HSD17B11: variants seen among roughly 807,000 people sequenced by gnomAD.
The protein encoded by HSD17B11 is estradiol 17-beta-dehydrogenase 11.
Under a neutral mutation model 27.8 loss-of-function variants are expected in HSD17B11, and 22 were observed. That is an observed-to-expected ratio of 0.79 (90% CI 0.56 to 1.13). The LOEUF is 1.13. Among genes scored for constraint, HSD17B11 ranks in the 50% most tolerant of loss-of-function variants. The pLI is 0.00. For missense variants in HSD17B11, 314 were observed against 351.1 expected (o/e 0.89, Z 0.84); for synonymous variants, 117 against 132.8 (o/e 0.88, Z 0.82).
chr4:87,371,496 T>A (rs934735892), intron 4 of HSD17B11, among the ~76,000 whole-genome samples: 1 of 152,214 alleles, frequency 6.6e-6, no homozygotes, highest in African/African-American at 2.4e-5. Flanking sequence ...TTTTTTGACC[T>A]GCATGGTAGT....
Position 87,391,120 on chromosome 4 carries a change from TCTAAACTGC to T in HSD17B11, c.-59_-51del. 4.4e-6 allele frequency: 6 copies of T among 1,376,756 alleles called. No homozygotes were observed. Among genetic ancestry groups the T allele is most frequent in the Non-Finnish European group, 6.0e-6 (6 of 999,412 alleles). The allele number at this position is 1,376,756 out of a possible 1,614,324, so 85.3% of individuals were successfully genotyped here. On this transcript the variant is annotated 5_prime_UTR_variant, in exon 1 of 7. Coordinates refer to ENST00000358290, the MANE Select transcript of HSD17B11 (RefSeq NM_016245.5). ...GTGTGTTTTTTTTTTTTTTTACCAC[TCTAAACTGC>T]TTTTAGAGGGTAGCTCGATCTAACA...
At chr4:87,341,551 C>A (rs998814523) in intron 5 of HSD17B11, among the ~76,000 whole-genome samples, 5 of 152,100 alleles carry the variant, frequency 3.3e-5, no homozygotes, top group Non-Finnish European at 7.4e-5. Flanking sequence ...TAGCAGGTGG[C>A]CCCCAAAAAG....
chr4:87,356,348 A>C (rs1735386990), intron 5 of HSD17B11, among the ~76,000 whole-genome samples: 1 of 152,248 alleles, frequency 6.6e-6, no homozygotes. Context: ...TTAAAAATCC[A>C]GAACACTAAA....
intron 1 of HSD17B11, chr4:87,387,208 A>G (rs916637334): frequency 2.6e-5 from 4 of 152,248 alleles, no homozygotes; most frequent in Non-Finnish European, 5.9e-5. Context: ...GGGAATGAGA[A>G]TAGTCAAGAA....
chr4:87,357,948 A>ATTTTTTTTTT lies in HSD17B11; in HGVS notation c.558-533_558-532insAAAAAAAAAA, dbSNP rs748955521. On this transcript the variant is annotated intron_variant, in intron 4 of 6. Coordinates refer to ENST00000358290, the MANE Select transcript of HSD17B11 (RefSeq NM_016245.5). Reference sequence around the variant, plus strand: ...TTTGTAACTGAACATTCATTAGAGAAATTTTTTTTTTTTTTTTTTTTTTTT... The same window carrying ATTTTTTTTTT: ...TTTGTAACTGAACATTCATTAGAGAATTTTTTTTTTATTTTTTTTTTTTTTTTTTTTTTTT... Among the ~76,000 whole-genome samples the ATTTTTTTTTT allele has an allele frequency of 6.4e-3, 626 of 97,264 alleles. 31 individuals are homozygous for ATTTTTTTTTT. Among genetic ancestry groups the ATTTTTTTTTT allele is most frequent in the African/African-American group, 9.9e-3 (221 of 22,268 alleles). The allele number at this position is 97,264 out of a possible 152,430, so 63.8% of individuals were successfully genotyped here.
chr4:87,389,600 A>T (rs1720404729), intron 1 of HSD17B11, among the ~76,000 whole-genome samples: 1 of 152,082 alleles, frequency 6.6e-6, no homozygotes, highest in African/African-American at 2.4e-5. Context: ...TTGTCACCCT[A>T]TCCCTAATGT....
chr4:87,369,502 T>C (rs1735670233), intron 4 of HSD17B11, among the ~76,000 whole-genome samples: 1 of 151,996 alleles, frequency 6.6e-6, no homozygotes, highest in South Asian at 2.1e-4. Flanking sequence ...GGTGAAATCA[T>C]GGCTCACTGC....
At chr4:87,338,231 C>CA (rs972820036) in intron 6 of HSD17B11, among the ~76,000 whole-genome samples, 1 of 151,986 alleles carries the variant, frequency 6.6e-6, no homozygotes, top group Non-Finnish European at 1.5e-5. Context: ...AGCACCCCCC[C>CA]AAAAAATGTC....
At chr4:87,377,761 T>C (rs1315510958) in intron 2 of HSD17B11, among the ~76,000 whole-genome samples, 1 of 152,222 alleles carries the variant, frequency 6.6e-6, no homozygotes, top group African/African-American at 2.4e-5. Context: ...AACCTAGCTC[T>C]ATTAACAGAG....
intron 4 of HSD17B11, among the ~76,000 whole-genome samples, chr4:87,369,714 G>T (rs1027896505): frequency 6.6e-6 from 1 of 152,126 alleles, no homozygotes; most frequent in Admixed American, 6.5e-5. Flanking sequence ...GGGATTACAG[G>T]TGTCAGCCAC....
At chr4:87,367,889 T>C (rs949865364) in intron 4 of HSD17B11, among the ~76,000 whole-genome samples, 2 of 152,256 alleles carry the variant, frequency 1.3e-5, no homozygotes, top group Non-Finnish European at 2.9e-5. Flanking sequence ...TTACTTGGAA[T>C]AACTTTACTT....
chr4:87,386,505 T>G (rs762920096), intron 1 of HSD17B11, among the ~76,000 whole-genome samples: 3 of 152,068 alleles, frequency 2.0e-5, no homozygotes, highest in Non-Finnish European at 4.4e-5. Flanking sequence ...ACCCGGCCGG[T>G]GCAACAAATT....
chr4:87,357,949 A>ATTTTTT lies in HSD17B11; in HGVS notation c.558-539_558-534dup, dbSNP rs57139706. On this transcript the variant is annotated intron_variant, in intron 4 of 6. Coordinates refer to ENST00000358290, the MANE Select transcript of HSD17B11 (RefSeq NM_016245.5). ...TTGTAACTGAACATTCATTAGAGAAATTTTTTTTTTTTTTTTTTTTTTTTT... is the reference window on the plus strand; with the variant it reads ...TTGTAACTGAACATTCATTAGAGAAATTTTTTTTTTTTTTTTTTTTTTTTTTTTTTT... Among the ~76,000 whole-genome samples the ATTTTTT allele has an allele frequency of 7.3e-3, 589 of 80,184 alleles. 94 individuals are homozygous for ATTTTTT. Among genetic ancestry groups the ATTTTTT allele is most frequent in the African/African-American group, 0.016 (385 of 23,488 alleles). The allele number at this position is 80,184 out of a possible 152,430, so 52.6% of individuals were successfully genotyped here.
rs532279746 is a variant in HSD17B11, at chr4:87,366,119, G to A, written c.557+6590C>T. 5 of 152,382 alleles carry A rather than the reference G, an allele frequency of 3.3e-5. No individual in the cohort carries two copies. The South Asian group carries it at 1.0e-3, about 32-fold the overall frequency. 9.4% of individuals were successfully genotyped at this position (152,382 alleles called of 1,614,324 possible). ...GATCCACCCATCTTGGCCTCCCAAAGTGTTGGGATATACAGGTGTGAGCCA... is the reference window on the plus strand; with the variant it reads ...GATCCACCCATCTTGGCCTCCCAAAATGTTGGGATATACAGGTGTGAGCCA... On this transcript the variant is annotated intron_variant, in intron 4 of 6. Transcript: ENST00000358290.
chr4:87,374,974 A>C, intron 2 of HSD17B11, 144 bp from the exon 3 acceptor site: 7 of 500,998 alleles, frequency 1.4e-5, no homozygotes, highest in African/African-American at 2.0e-5. Flanking sequence ...GCTCACTGCA[A>C]CCTCCACCTC....
chr4:87,369,851 A>T (rs1446283699), intron 4 of HSD17B11, among the ~76,000 whole-genome samples: 1 of 152,252 alleles, frequency 6.6e-6, no homozygotes, highest in African/African-American at 2.4e-5. Flanking sequence ...TTGGGTTGAC[A>T]GAATATATTA....
intron 2 of HSD17B11, among the ~76,000 whole-genome samples, chr4:87,378,336 T>C (rs1735885581): frequency 1.3e-5 from 2 of 152,142 alleles, no homozygotes; most frequent in African/African-American, 4.8e-5. Context: ...TTTGTATTAA[T>C]TTTGTTTTTA....
At position 87,357,319 on chromosome 4, in the gene HSD17B11, T is replaced by C. The variant is rs772778893; in HGVS notation, c.655A>G (p.Asn219Asp). ...TTGATGAAGCCAGTGTTTACGAAAT[T>C]AGGACACAGACATGTTGTTTTGACT... is the stretch of plus-strand genomic sequence containing the variant. ...TGVKTTCLCPNFVNTGFIKNP... is the reference protein window; with the variant it reads ...TGVKTTCLCPDFVNTGFIKNP... Residue 219 changes from asparagine to aspartate, a missense_variant, in exon 5 of 7, where the codon AAT becomes GAT. Coordinates refer to ENST00000358290, the MANE Select transcript of HSD17B11 (RefSeq NM_016245.5). The C allele has an allele frequency of 6.2e-7, 1 of 1,612,468 alleles. No individual in the cohort carries two copies. Among genetic ancestry groups the C allele is most frequent in the South Asian group, 1.1e-5 (1 of 90,550 alleles).
intron 3 of HSD17B11, among the ~76,000 whole-genome samples, chr4:87,373,685 G>C (rs1012393313): frequency 6.6e-6 from 1 of 151,946 alleles, no homozygotes; most frequent in Admixed American, 6.6e-5. Context: ...ACTCCAGCCT[G>C]GGCAACACAG....
Sources: gnomAD v4.1 joint callset for allele counts (sites outside exome capture counted in the v4.1 genomes callset) on GRCh38, gnomAD v4.1.1 for gene constraint, MANE v1.5 for transcripts, NCBI Gene and HGNC (gene_info 2026-07-23, HGNC 2026-07-21) for gene names.